Variants in CIAO2A observed in about 807,000 individuals in gnomAD.
CIAO2A encodes cytosolic iron-sulfur assembly component 2A.
A neutral mutation model predicts 22.4 loss-of-function variants in CIAO2A; 17 were observed. The ratio of observed to expected loss-of-function variants is 0.76; its 90% CI spans 0.52 to 1.14. The LOEUF (loss-of-function observed/expected upper bound fraction) is 1.14, where lower values mean the gene tolerates loss of function less well. CIAO2A is among the 50% of genes most tolerant of loss of function. The pLI, the probability that CIAO2A is intolerant of heterozygous loss-of-function variation, is 0.00. For missense variants in CIAO2A, 192 were observed against 191.4 expected (o/e 1.00, Z -0.02); for synonymous variants, 74 against 72.3 (o/e 1.02, Z -0.12).
chr15:64,076,764 G>A (rs1287739813), intron 3 of CIAO2A, among the ~76,000 whole-genome samples: 2 of 134,412 alleles, frequency 1.5e-5, no homozygotes, highest in East Asian at 2.2e-4. Flanking sequence ...TTACTCTGTC[G>A]CCTAGGCTGG....
chr15:64,086,674 C>T (rs147540129), intron 2 of CIAO2A, among the ~76,000 whole-genome samples: 1,825 of 149,884 alleles, frequency 0.012, 33 homozygotes, highest in African/African-American at 0.042. Flanking sequence ...AGTGCAGTGG[C>T]GCAATCTCAG....
intron 3 of CIAO2A, among the ~76,000 whole-genome samples, chr15:64,077,982 C>T (rs1438488236): frequency 4.6e-5 from 7 of 152,034 alleles, no homozygotes; most frequent in African/African-American, 1.7e-4. Flanking sequence ...TCAAACATTT[C>T]CAGAAAATAT....
In CIAO2A at chr15:64,093,673, G is replaced by A; in HGVS notation, c.96C>T (p.Ile32=). The A allele has an allele frequency of 6.2e-7, 1 of 1,613,950 alleles. No individual in the cohort carries two copies. The highest frequency in any genetic ancestry group is 8.5e-7 in the Non-Finnish European group (1 of 1,179,932). Residue 32 remains isoleucine (I), a synonymous_variant, in exon 1 of 5, where the codon ATC becomes ATT. Coordinates refer to ENST00000300030, the MANE Select transcript of CIAO2A (RefSeq NM_032231.7). The stretch of plus-strand genomic sequence containing the variant: ...AAACTTCTAGCGCTTTCTCTTCCAT[G>A]ATCCGGGGCTGCCGGGCAGCTCCCG... ...SEPGAARQPR[I]MEEKALEVYD...
In CIAO2A at chr15:64,081,166, T is replaced by C; in HGVS notation, c.290-15A>G. 1 of 1,610,488 alleles carries C rather than the reference T, an allele frequency of 6.2e-7. No individual in the cohort carries two copies. The highest frequency in any genetic ancestry group is 8.5e-7 in the Non-Finnish European group (1 of 1,178,230). On this transcript the variant is annotated splice_polypyrimidine_tract_variant and intron_variant, in intron 2 of 4. Coordinates refer to ENST00000300030, the MANE Select transcript of CIAO2A (RefSeq NM_032231.7). The stretch of plus-strand genomic sequence containing the variant: ...TAAGCACAGCCCTGTGGAGGGAAAA[T>C]CACACCTCCAATTATCTCTTTATTG...
chr15:64,075,385 CT>C, intron 4 of CIAO2A, 106 bp downstream of exon 4: 2 of 702,132 alleles, frequency 2.8e-6, no homozygotes, highest in Non-Finnish European at 2.3e-6. Flanking sequence ...CAATTGTGCA[CT>C]TTTTTGAAAG....
chr15:64,087,712 CTTG>C (rs202200914), intron 2 of CIAO2A, among the ~76,000 whole-genome samples: 1,652 of 152,178 alleles, frequency 0.011, 31 homozygotes, highest in African/African-American at 0.03. Context: ...TTTTTATAAA[CTTG>C]TTGCTTTTTA....
intron 3 of CIAO2A, among the ~76,000 whole-genome samples, chr15:64,080,732 C>A (rs530115329): frequency 5.3e-5 from 8 of 152,082 alleles, no homozygotes; most frequent in South Asian, 4.2e-4. Context: ...TGCCTGTAAT[C>A]AAAGATAATA....
intron 1 of CIAO2A, among the ~76,000 whole-genome samples, chr15:64,093,365 G>C (rs914965974): frequency 7.9e-5 from 12 of 152,076 alleles, no homozygotes; most frequent in African/African-American, 2.9e-4. Flanking sequence ...TAAGACGTAG[G>C]CCACACGTGG....
At chr15:64,093,412 C>T (rs938898714) in intron 1 of CIAO2A, among the ~76,000 whole-genome samples, 4 of 151,992 alleles carry the variant, frequency 2.6e-5, no homozygotes, top group Non-Finnish European at 5.9e-5. Context: ...TTCGGCTTGC[C>T]CCAGGTTTAC....
chr15:64,082,359 G>C (rs2080764293), intron 2 of CIAO2A, among the ~76,000 whole-genome samples: 1 of 152,082 alleles, frequency 6.6e-6, no homozygotes, highest in South Asian at 2.1e-4. Flanking sequence ...CTCCTGAGTA[G>C]CTGGGACTAC....
At chr15:64,091,905 C>T (rs2080842164) in intron 1 of CIAO2A, among the ~76,000 whole-genome samples, 1 of 151,518 alleles carries the variant, frequency 6.6e-6, no homozygotes, top group South Asian at 2.1e-4. Context: ...CAAAAAAATA[C>T]AAAAATTAGC....
chr15:64,077,121 G>T (rs995539233), intron 3 of CIAO2A, among the ~76,000 whole-genome samples: 1 of 152,096 alleles, frequency 6.6e-6, no homozygotes, highest in Non-Finnish European at 1.5e-5. Context: ...GACCATCCTG[G>T]CTAACACAGT....
intron 1 of CIAO2A, among the ~76,000 whole-genome samples, chr15:64,090,605 T>C (rs1434716804): frequency 6.6e-6 from 1 of 152,228 alleles, no homozygotes; most frequent in East Asian, 1.9e-4. Context: ...CATTAAATGC[T>C]GCAGAAAAAT....
At chr15:64,084,553 T>C (rs1373863637) in intron 2 of CIAO2A, among the ~76,000 whole-genome samples, 2 of 152,118 alleles carry the variant, frequency 1.3e-5, no homozygotes. Context: ...GCGGATCACC[T>C]GAGGTTGGGA....
At chr15:64,080,353 A>C (rs1459438171) in intron 3 of CIAO2A, among the ~76,000 whole-genome samples, 1 of 151,664 alleles carries the variant, frequency 6.6e-6, no homozygotes, top group African/African-American at 2.4e-5. Flanking sequence ...GCACCACTGC[A>C]CTCCAGCCTG....
intron 2 of CIAO2A, among the ~76,000 whole-genome samples, chr15:64,087,167 C>T (rs2080804305): frequency 6.9e-6 from 1 of 145,476 alleles, no homozygotes; most frequent in East Asian, 2.2e-4. Flanking sequence ...TCTCGGCTCA[C>T]TGCAAACTCC....
intron 2 of CIAO2A, among the ~76,000 whole-genome samples, chr15:64,085,986 G>A (rs1242751077): frequency 6.6e-6 from 1 of 151,888 alleles, no homozygotes; most frequent in Non-Finnish European, 1.5e-5. Flanking sequence ...GGGATTACAA[G>A]AGTGAGCCAC....
At chr15:64,074,373 CCA>C (rs1181860044) in intron 4 of CIAO2A, 1 of 152,076 alleles carries the variant, frequency 6.6e-6, no homozygotes, top group Non-Finnish European at 1.5e-5. Context: ...TGAACTGTAC[CCA>C]CACATAGAAG....
At chr15:64,085,783 A>C (rs928682581) in intron 2 of CIAO2A, among the ~76,000 whole-genome samples, 2 of 151,546 alleles carry the variant, frequency 1.3e-5, no homozygotes, top group Admixed American at 1.3e-4. Context: ...ACCTTCGCTC[A>C]CTGCAACCTC....
Sources: gnomAD v4.1 joint callset for allele counts (sites outside exome capture counted in the v4.1 genomes callset) on GRCh38, gnomAD v4.1.1 for gene constraint, MANE v1.5 for transcripts, NCBI Gene and HGNC (gene_info 2026-07-23, HGNC 2026-07-21) for gene names.